DSCAM: variants seen among roughly 807,000 people sequenced by gnomAD.
DSCAM encodes DS cell adhesion molecule, also known as cell adhesion molecule DSCAM.
Under a neutral mutation model 217.7 loss-of-function variants are expected in DSCAM, and 47 were observed. That is an observed-to-expected ratio of 0.22 (90% CI 0.17 to 0.28). DSCAM has a LOEUF of 0.28. Ranked by LOEUF, DSCAM falls within the 10% of genes least tolerant of loss-of-function variation. DSCAM has a pLI of 1.00. For synonymous variants in DSCAM, 1,056 were observed against 1,015.3 expected (o/e 1.04, Z -0.76); for missense variants, 2,080 against 2,618.3 (o/e 0.79, Z 4.49).
At position 40,563,906 on chromosome 21, in the gene DSCAM, GA is replaced by G. The variant is rs1324571193; in HGVS notation, c.508+128903del. On this transcript the variant is annotated intron_variant, in intron 3 of 32. Coordinates refer to ENST00000400454, the MANE Select transcript of DSCAM (RefSeq NM_001389.5). ...TTTAGAAGCAGAGCCATAAAAACAGGAAAACCAAAACAGAAAGAGCCTCCTA... is the reference window on the plus strand; with the variant it reads ...TTTAGAAGCAGAGCCATAAAAACAGGAAACCAAAACAGAAAGAGCCTCCTA... 1.7e-4 allele frequency among the ~76,000 whole-genome samples: 26 copies of G among 151,918 alleles called. No individual in the cohort carries two copies. The South Asian group carries it at 5.2e-3, about 30-fold the overall frequency.
chr21:40,179,478 T>C (rs561616304), intron 14 of DSCAM, among the ~76,000 whole-genome samples: 13 of 152,112 alleles, frequency 8.5e-5, no homozygotes, highest in Non-Finnish European at 1.5e-4. Flanking sequence ...ACTCATTGTA[T>C]AGGACAGTAC....
In DSCAM at chr21:40,312,164, G is replaced by A. The variant is rs1457401217; in HGVS notation, c.1979C>T (p.Ser660Leu). The A allele has an allele frequency of 3.7e-6, 6 of 1,613,972 alleles. No homozygotes were observed. The Admixed American group carries it at 5.0e-5, about 13-fold the overall frequency. The change falls in exon 9 of 33, where the codon TCG becomes TTG. Residue 660 changes from serine to leucine, a missense_variant. Coordinates refer to ENST00000400454, the MANE Select transcript of DSCAM (RefSeq NM_001389.5). ...FTSSLRISNL[S>L]LMHNGNYTCI... ...GGTGTAATTCCCATTGTGCATGAGC[G>A]AGAGATTGGAAATCCTCAAGGAGCT...
rs903613127 is a variant in DSCAM at position 40,102,020 on chromosome 21, C to T, written c.3697-8146G>A. ...TCAATTAATGGTCATTTACTGAGTT[C>T]AGTTGCAGTGTGTAGATTATAAGGC... On this transcript the variant is annotated intron_variant, in intron 20 of 32. Transcript: ENST00000400454. Among the ~76,000 whole-genome samples the T allele has an allele frequency of 1.2e-4, 19 of 152,180 alleles. 2 individuals carry two copies. The South Asian group carries it at 3.9e-3, about 32-fold the overall frequency.
intron 3 of DSCAM, among the ~76,000 whole-genome samples, chr21:40,512,826 A>AG (rs1320304461): frequency 1.3e-5 from 2 of 151,416 alleles, no homozygotes; most frequent in African/African-American, 2.4e-5. Context: ...CCAGAACTGC[A>AG]GGGGAGGGAA....
chr21:40,392,536 T>C (rs2075143272), intron 3 of DSCAM, among the ~76,000 whole-genome samples: 1 of 152,194 alleles, frequency 6.6e-6, no homozygotes, highest in Non-Finnish European at 1.5e-5. Flanking sequence ...ATGAATTTAT[T>C]GTAAGTATCC....
chr21:40,381,875 A>G lies in DSCAM; in HGVS notation c.509-12630T>C, dbSNP rs534928830. ...TAGAATGTATCAGTGTGTATCAAATAGTGGTGATAAATATTCTGCAGCTTG... is the reference window on the plus strand; with the variant it reads ...TAGAATGTATCAGTGTGTATCAAATGGTGGTGATAAATATTCTGCAGCTTG... On this transcript the variant is annotated intron_variant, in intron 3 of 32. Transcript: ENST00000400454. Among the ~76,000 whole-genome samples the G allele has an allele frequency of 3.3e-5, 5 of 152,346 alleles. No individual in the cohort carries two copies. In the South Asian group the frequency reaches 6.2e-4, roughly 19 times the overall value.
intron 1 of DSCAM, among the ~76,000 whole-genome samples, chr21:40,733,093 T>C (rs2091029009): frequency 1.3e-5 from 2 of 152,222 alleles, no homozygotes; most frequent in African/African-American, 4.8e-5. Flanking sequence ...TATGGCAAAC[T>C]GTGCCAGGCA....
intron 8 of DSCAM, among the ~76,000 whole-genome samples, chr21:40,319,582 C>A (rs1409872631): frequency 6.6e-6 from 1 of 152,152 alleles, no homozygotes; most frequent in Non-Finnish European, 1.5e-5. Flanking sequence ...AGAGTGATTT[C>A]ATTTCCTCTG....
rs140986989 is a variant in DSCAM, at chr21:40,634,287, G to A, written c.508+58523C>T. The stretch of plus-strand genomic sequence containing the variant: ...GGCTTTTGTTCCTCTTGTTCTGTCC[G>A]TAATTTTTGGTGGCAGCGGTTGGCA... On this transcript the variant is annotated intron_variant, in intron 3 of 32. Transcript: ENST00000400454. Among the ~76,000 whole-genome samples, 40 of 152,258 alleles carry A rather than the reference G, an allele frequency of 2.6e-4. No individual in the cohort carries two copies. In the East Asian group the frequency reaches 6.4e-3, roughly 24 times the overall value.
chr21:40,487,372 C>T (rs891082909), intron 3 of DSCAM, among the ~76,000 whole-genome samples: 5 of 150,932 alleles, frequency 3.3e-5, no homozygotes, highest in Non-Finnish European at 7.4e-5. Context: ...CCTGCTCACA[C>T]GTAGAGGGTA....
intron 8 of DSCAM, among the ~76,000 whole-genome samples, chr21:40,323,296 G>T (rs2074280872): frequency 6.6e-6 from 1 of 152,050 alleles, no homozygotes; most frequent in Non-Finnish European, 1.5e-5. Flanking sequence ...CAACCACAAT[G>T]GTTTGTTTCA....
chr21:40,356,044 TA>T (rs1270615194), intron 4 of DSCAM, among the ~76,000 whole-genome samples: 3 of 152,224 alleles, frequency 2.0e-5, no homozygotes, highest in African/African-American at 7.2e-5. Flanking sequence ...TGTATATGTA[TA>T]TCAACACTTA....
intron 3 of DSCAM, among the ~76,000 whole-genome samples, chr21:40,442,735 C>A (rs1000726328): frequency 1.3e-5 from 2 of 152,096 alleles, no homozygotes; most frequent in Non-Finnish European, 2.9e-5. Context: ...TGGTCCCGAA[C>A]TCCTGACCTC....
intron 3 of DSCAM, among the ~76,000 whole-genome samples, chr21:40,598,747 C>T (rs2077040950): frequency 1.3e-5 from 2 of 151,908 alleles, no homozygotes; most frequent in Non-Finnish European, 1.5e-5. Flanking sequence ...TTGTGATCTG[C>T]CCACCTCGGC....
intron 1 of DSCAM, among the ~76,000 whole-genome samples, chr21:40,745,222 G>A (rs1230674315): frequency 1.3e-5 from 2 of 152,074 alleles, no homozygotes; most frequent in Non-Finnish European, 2.9e-5. Context: ...AAGAGAAAAA[G>A]TTCTAGAAAG....
intron 11 of DSCAM, among the ~76,000 whole-genome samples, chr21:40,230,277 T>C (rs1421425271): frequency 1.3e-5 from 2 of 152,244 alleles, no homozygotes; most frequent in Non-Finnish European, 2.9e-5. Context: ...AGTTCTTCTT[T>C]AAATGTTTGT....
At chr21:40,610,148 T>A (rs917322683) in intron 3 of DSCAM, among the ~76,000 whole-genome samples, 3 of 152,138 alleles carry the variant, frequency 2.0e-5, no homozygotes, top group African/African-American at 7.2e-5. Context: ...AAATCTCTCA[T>A]CAAAAATGAA....
intron 3 of DSCAM, among the ~76,000 whole-genome samples, chr21:40,438,875 G>A (rs2075606883): frequency 6.6e-6 from 1 of 152,032 alleles, no homozygotes; most frequent in African/African-American, 2.4e-5. Context: ...CAAGCACACT[G>A]CCAATATCGA....
At chr21:40,295,484 T>C (rs2073943892) in intron 10 of DSCAM, among the ~76,000 whole-genome samples, 1 of 152,078 alleles carries the variant, frequency 6.6e-6, no homozygotes, top group South Asian at 2.1e-4. Flanking sequence ...GGAAACATGA[T>C]TAGGGGTGCA....
Sources: allele counts gnomAD v4.1 joint callset (sites outside exome capture counted in the v4.1 genomes callset), GRCh38; gene constraint gnomAD v4.1.1; transcripts MANE v1.5; gene names NCBI Gene and HGNC (gene_info 2026-07-23, HGNC 2026-07-21).